LCORL: variants seen among roughly 807,000 people sequenced by gnomAD.
LCORL encodes ligand-dependent nuclear receptor corepressor-like protein.
Under a neutral mutation model 141.8 loss-of-function variants are expected in LCORL, and 41 were observed. The ratio of observed to expected loss-of-function variants is 0.29; its 90% CI spans 0.23 to 0.38. The LOEUF is 0.38. LCORL is among the 10% of genes least tolerant of loss of function. The pLI is 1.00. For missense variants in LCORL, 1,759 were observed against 2,035.0 expected (o/e 0.86, Z 2.61); for synonymous variants, 618 against 694.1 (o/e 0.89, Z 1.72).
chr4:17,883,192 T>A, intron 6 of LCORL: 1 of 982,004 alleles, frequency 1.0e-6, no homozygotes, highest in Non-Finnish European at 1.2e-6. Flanking sequence ...CACTGTCGTG[T>A]ACTAATACTG....
chr4:17,909,051 T>C (rs1732096833), intron 5 of LCORL, 43 bp downstream of exon 5: 2 of 1,502,482 alleles, frequency 1.3e-6, no homozygotes, highest in Non-Finnish European at 8.9e-7. Context: ...TTTAACGATA[T>C]AAAACATCAA....
intron 4 of LCORL, among the ~76,000 whole-genome samples, chr4:17,955,948 A>C (rs1712532127): frequency 6.6e-6 from 1 of 152,070 alleles, no homozygotes; most frequent in African/African-American, 2.4e-5. Context: ...TGAGGTGAAA[A>C]AAGACTGGAT....
intron 1 of LCORL, among the ~76,000 whole-genome samples, chr4:18,004,514 G>C (rs1332306252): frequency 6.6e-6 from 1 of 152,134 alleles, no homozygotes; most frequent in East Asian, 1.9e-4. Context: ...GAGCAGGAAA[G>C]ACCCACTCCC....
intron 1 of LCORL, among the ~76,000 whole-genome samples, chr4:17,977,401 A>C (rs1292225244): frequency 6.6e-6 from 1 of 152,156 alleles, no homozygotes; most frequent in Admixed American, 6.6e-5. Context: ...TTCACATCCC[A>C]ATCACCACTT....
At chr4:17,939,879 TACAC>T (rs143670453) in intron 4 of LCORL, among the ~76,000 whole-genome samples, 3 of 147,806 alleles carry the variant, frequency 2.0e-5, no homozygotes, top group Non-Finnish European at 4.5e-5. Context: ...TAGGTACATG[TACAC>T]ACACACACAC....
At chr4:17,968,819 G>T (rs969301948) in intron 2 of LCORL, among the ~76,000 whole-genome samples, 1 of 152,120 alleles carries the variant, frequency 6.6e-6, no homozygotes. Context: ...ATTAAAAAAT[G>T]TAAGAACCAT....
chr4:17,879,699 T>C (rs1343044372), intron 6 of LCORL, among the ~76,000 whole-genome samples: 2 of 150,948 alleles, frequency 1.3e-5, no homozygotes, highest in Non-Finnish European at 3.0e-5. Flanking sequence ...ACAATATATT[T>C]TTTTCCAGCA....
At chr4:17,895,757 T>A (rs1282507944) in intron 5 of LCORL, among the ~76,000 whole-genome samples, 1 of 152,208 alleles carries the variant, frequency 6.6e-6, no homozygotes, top group African/African-American at 2.4e-5. Context: ...TCTATGCCTA[T>A]GGATTTTCCT....
chr4:17,960,623 T>G (rs971109540), intron 4 of LCORL, among the ~76,000 whole-genome samples: 1 of 152,228 alleles, frequency 6.6e-6, no homozygotes, highest in East Asian at 1.9e-4. Flanking sequence ...TTAAAGAAAG[T>G]ATGTAAAATT....
chr4:17,884,469 T>C lies in LCORL; in HGVS notation c.776+1599A>G, dbSNP rs1366134391. The C allele has an allele frequency of 2.6e-6, 4 of 1,549,566 alleles. No homozygotes were observed. The highest frequency in any genetic ancestry group is 3.5e-6 in the Non-Finnish European group (4 of 1,146,076). ...TTTTCTGTGCGCTCTGCTTGAGCTC[T>C]TGCCCACAAGGCTACTTTTTGCAGC... On this transcript the variant is annotated intron_variant, in intron 6 of 7. Transcript: ENST00000635767. This position sits in a 1 kb window ranked among gnomAD's most constrained non-coding sequence, Gnocchi z 4.4.
At chr4:17,907,650 T>C (rs914836124) in intron 5 of LCORL, among the ~76,000 whole-genome samples, 3 of 151,128 alleles carry the variant, frequency 2.0e-5, no homozygotes, top group Non-Finnish European at 4.4e-5. Context: ...CCTTTGATTG[T>C]GAGGATTTTT....
intron 1 of LCORL, among the ~76,000 whole-genome samples, chr4:17,999,435 C>T (rs1721554606): frequency 6.7e-6 from 1 of 148,654 alleles, no homozygotes; most frequent in African/African-American, 2.5e-5. Context: ...GCCTGGGAGA[C>T]AGCAAGACTC....
chr4:17,849,627 C>T (rs2109095330), intron 7 of LCORL, among the ~76,000 whole-genome samples: 1 of 152,304 alleles, frequency 6.6e-6, no homozygotes, highest in Non-Finnish European at 1.5e-5. Flanking sequence ...CTCTCCTCCT[C>T]CAAAGGAACG....
chr4:17,961,932 T>C, exon 4 of LCORL: 1 of 1,610,784 alleles, frequency 6.2e-7, no homozygotes. Context: ...ATTTAGGTAA[T>C]TTTCTGCTTG....
At chr4:17,887,309 C>T (rs1370571037) in intron 5 of LCORL, among the ~76,000 whole-genome samples, 1 of 151,992 alleles carries the variant, frequency 6.6e-6, no homozygotes, top group Non-Finnish European at 1.5e-5. Flanking sequence ...AACACCACAA[C>T]CAGCACCACT....
At chr4:17,869,441 T>C (rs1726079704) in intron 7 of LCORL, among the ~76,000 whole-genome samples, 1 of 152,174 alleles carries the variant, frequency 6.6e-6, no homozygotes, top group African/African-American at 2.4e-5. Context: ...CTATATTCAA[T>C]GGAACCGTTT....
At chr4:18,019,410 C>A (rs1346376610) in intron 1 of LCORL, among the ~76,000 whole-genome samples, 1 of 152,168 alleles carries the variant, frequency 6.6e-6, no homozygotes, top group African/African-American at 2.4e-5. Flanking sequence ...CTGTGGGAAA[C>A]AATTCTCAAA....
chr4:17,897,213 CTT>C (rs761784734), intron 5 of LCORL, among the ~76,000 whole-genome samples: 869 of 63,948 alleles, frequency 0.014, 198 homozygotes, highest in Admixed American at 0.018. Flanking sequence ...ATACTGATTT[CTT>C]TTTTTTTTTT....
chr4:17,877,269 A>G (rs1033092832), exon 7 of LCORL: 4 of 1,230,236 alleles, frequency 3.3e-6, no homozygotes, highest in Non-Finnish European at 3.0e-6. Flanking sequence ...TGCATTATGC[A>G]AGAGAGATGT....
Sources: gnomAD v4.1 joint callset for allele counts (sites outside exome capture counted in the v4.1 genomes callset) on GRCh38, gnomAD v4.1.1 for gene constraint, Gnocchi (gnomAD v3.1) non-coding constraint, MANE v1.5 for transcripts, NCBI Gene and HGNC (gene_info 2026-07-23, HGNC 2026-07-21) for gene names.